HTR2C: variants seen among roughly 807,000 people sequenced by gnomAD.
HTR2C encodes 5-hydroxytryptamine (serotonin) receptor 2C, G protein-coupled.
In HTR2C, 5 loss-of-function variants were observed where a neutral mutation model predicts 21.0. The observed-to-expected ratio is 0.24, with a 90% confidence interval of 0.12 to 0.50. HTR2C has a LOEUF of 0.50. HTR2C is among the 20% of genes least tolerant of loss of function. The pLI, the probability that HTR2C is intolerant of heterozygous loss-of-function variation, is 0.98. For synonymous variants in HTR2C, 150 were observed against 145.3 expected (o/e 1.03, Z -0.23); for missense variants, 271 against 371.2 (o/e 0.73, Z 2.22).
At chrX:114,724,846 C>G (rs1556421506) in intron 2 of HTR2C, among the ~76,000 whole-genome samples, 1 of 102,258 alleles carries the variant, frequency 9.8e-6, no homozygotes, top group Non-Finnish European at 2.0e-5. Context: ...TATTGGTCCC[C>G]ATTCTCTTCT....
intron 2 of HTR2C, among the ~76,000 whole-genome samples, chrX:114,658,732 A>G (rs1449923694): frequency 1.8e-5 from 2 of 111,506 alleles, no homozygotes; most frequent in Non-Finnish European, 3.8e-5. Flanking sequence ...CCATACAGAA[A>G]AATTCCAGTT....
At chrX:114,728,736 AC>A (rs1282791282) in intron 3 of HTR2C, among the ~76,000 whole-genome samples, 1 of 111,543 alleles carries the variant, frequency 9.0e-6, no homozygotes, top group Non-Finnish European at 1.9e-5. Context: ...ACTACTTGAA[AC>A]AGTCCAAACT....
intron 4 of HTR2C, chrX:114,775,996 G>T: frequency 2.5e-6 from 1 of 401,755 alleles, no homozygotes. Context: ...CAGTACAGAG[G>T]CGTCTTATAG....
intron 4 of HTR2C, among the ~76,000 whole-genome samples, chrX:114,770,302 T>C (rs2069987297): frequency 8.9e-6 from 1 of 111,900 alleles, no homozygotes. Flanking sequence ...ATATCTTTTC[T>C]GTATCTTTCT....
intron 4 of HTR2C, among the ~76,000 whole-genome samples, chrX:114,805,992 C>CAT (rs1556449169): frequency 5.7e-5 from 5 of 87,992 alleles, no homozygotes; most frequent in African/African-American, 2.2e-4. Context: ...ATATATACAC[C>CAT]ATATATATAC....
intron 5 of HTR2C, among the ~76,000 whole-genome samples, chrX:114,905,637 C>T (rs1458523108): frequency 8.9e-6 from 1 of 111,818 alleles, no homozygotes; most frequent in Non-Finnish European, 1.9e-5. Flanking sequence ...ATCTGAACTT[C>T]CCAGGCTTCG....
At chrX:114,745,946 ATAACT>A (rs1178785081) in intron 4 of HTR2C, among the ~76,000 whole-genome samples, 5 of 112,020 alleles carry the variant, frequency 4.5e-5, no homozygotes, top group South Asian at 7.4e-4. Context: ...ACATTTTAAA[ATAACT>A]TAAAGAGTAT....
intron 4 of HTR2C, among the ~76,000 whole-genome samples, chrX:114,809,631 A>C (rs1367107913): frequency 9.1e-6 from 1 of 109,539 alleles, no homozygotes; most frequent in Non-Finnish European, 1.9e-5. Context: ...TGATCTGCCC[A>C]CCTCAGCCTC....
chrX:114,721,949 T>C (rs376926806), intron 2 of HTR2C, among the ~76,000 whole-genome samples: 1 of 106,664 alleles, frequency 9.4e-6, no homozygotes, highest in Non-Finnish European at 1.9e-5. Context: ...AGTCAGGTAG[T>C]GTGATGCCTC....
intron 2 of HTR2C, among the ~76,000 whole-genome samples, chrX:114,711,326 T>G (rs1401631658): frequency 8.9e-6 from 1 of 111,923 alleles, no homozygotes; most frequent in Non-Finnish European, 1.9e-5. Context: ...ATCACAAATA[T>G]GTTAGGCAGT....
intron 5 of HTR2C, among the ~76,000 whole-genome samples, chrX:114,867,089 A>G (rs781971536): frequency 1.1e-4 from 12 of 111,828 alleles, no homozygotes; most frequent in Non-Finnish European, 2.3e-4. Flanking sequence ...ACTATTCTCC[A>G]TAGTGGTTGT....
At chrX:114,777,721 C>T (rs1193827789) in intron 4 of HTR2C, among the ~76,000 whole-genome samples, 1 of 111,166 alleles carries the variant, frequency 9.0e-6, no homozygotes, top group East Asian at 2.8e-4. Flanking sequence ...CCACACCTGG[C>T]TAATTTTTGT....
chrX:114,663,638 G>A (rs1313211490), intron 2 of HTR2C, among the ~76,000 whole-genome samples: 1 of 111,421 alleles, frequency 9.0e-6, no homozygotes, highest in East Asian at 2.8e-4. Context: ...GAAACAGCAG[G>A]GCTGTTTTCC....
intron 2 of HTR2C, among the ~76,000 whole-genome samples, chrX:114,623,948 G>A (rs1274737878): frequency 1.2e-4 from 8 of 68,804 alleles, no homozygotes; most frequent in African/African-American, 4.2e-4. Flanking sequence ...TTGCTCTGTT[G>A]CCCAGGCTGG....
intron 2 of HTR2C, among the ~76,000 whole-genome samples, chrX:114,673,978 G>A (rs1556412175): frequency 9.0e-6 from 1 of 111,465 alleles, no homozygotes; most frequent in African/African-American, 3.3e-5. Flanking sequence ...TCTGTTTCAA[G>A]GCTGTGCTTG....
chrX:114,626,236 A>T (rs977992396), intron 2 of HTR2C, among the ~76,000 whole-genome samples: 23 of 108,102 alleles, frequency 2.1e-4, no homozygotes, highest in Non-Finnish European at 3.6e-4. Flanking sequence ...AAAATAATAA[A>T]AAATTAGCCA....
At chrX:114,885,286 C>A (rs1399966324) in intron 5 of HTR2C, among the ~76,000 whole-genome samples, 3 of 111,420 alleles carry the variant, frequency 2.7e-5, no homozygotes, top group Non-Finnish European at 5.7e-5. Flanking sequence ...CACAAATATT[C>A]ACCATTGTGT....
At chrX:114,864,953 C>A (rs185162632) in intron 5 of HTR2C, among the ~76,000 whole-genome samples, 1 of 103,188 alleles carries the variant, frequency 9.7e-6, no homozygotes, top group Admixed American at 1.1e-4. Flanking sequence ...ATTCTCTCCT[C>A]GCCTGTAAGG....
intron 2 of HTR2C, among the ~76,000 whole-genome samples, chrX:114,663,390 T>C (rs1426118946): frequency 9.0e-6 from 1 of 111,586 alleles, no homozygotes; most frequent in Non-Finnish European, 1.9e-5. Flanking sequence ...AAAACTTAAA[T>C]GTTAAAAATC....
Sources: allele counts gnomAD v4.1 joint callset (sites outside exome capture counted in the v4.1 genomes callset), GRCh38; gene constraint gnomAD v4.1.1; transcripts MANE v1.5; gene names NCBI Gene and HGNC (gene_info 2026-07-23, HGNC 2026-07-21).